Variants in WWOX observed in about 807,000 individuals in gnomAD.
The protein encoded by WWOX is WW domain containing oxidoreductase.
WWOX carries 69 observed loss-of-function variants against 46.2 expected under a neutral mutation model. The ratio of observed to expected loss-of-function variants is 1.49; its 90% CI spans 1.23 to 1.82. The LOEUF (loss-of-function observed/expected upper bound fraction) is 1.82. Ranked by LOEUF, WWOX falls within the 40% of genes most tolerant of loss-of-function variation. WWOX has a pLI of 0.00. For missense variants in WWOX, 919 were observed against 542.6 expected, an observed-to-expected ratio of 1.69 and a Z score of -6.89; for synonymous variants, 359 against 202.6, an observed-to-expected ratio of 1.77 and a Z score of -6.56.
At chr16:78,366,935 A>AGCT (rs2081547405) in intron 5 of WWOX, among the ~76,000 whole-genome samples, 1 of 141,732 alleles carries the variant, frequency 7.1e-6, no homozygotes, top group Non-Finnish European at 1.5e-5. Context: ...AGTTGAAATT[A>AGCT]GCTGGGGTTT....
chr16:78,952,100 C>G (rs74032449), intron 8 of WWOX, among the ~76,000 whole-genome samples: 2 of 152,188 alleles, frequency 1.3e-5, no homozygotes, highest in African/African-American at 4.8e-5. Flanking sequence ...ACCTAGCCCC[C>G]GTGTACCTTC....
At chr16:78,361,371 A>G (rs2081406959) in intron 5 of WWOX, among the ~76,000 whole-genome samples, 1 of 152,098 alleles carries the variant, frequency 6.6e-6, no homozygotes, top group African/African-American at 2.4e-5. Flanking sequence ...TTCCAATGTA[A>G]TGTTATTAAT....
At chr16:78,350,793 AC>A (rs2081170092) in intron 5 of WWOX, among the ~76,000 whole-genome samples, 1 of 118,300 alleles carries the variant, frequency 8.5e-6, no homozygotes, top group East Asian at 1.9e-4. Flanking sequence ...ATATAGGTTT[AC>A]CTTTTTTGGG....
chr16:78,119,991 G>A (rs576834573), intron 4 of WWOX, among the ~76,000 whole-genome samples: 3 of 152,072 alleles, frequency 2.0e-5, no homozygotes, highest in Admixed American at 6.6e-5. Context: ...GCCTAGCTTC[G>A]TTACAGTTTT....
chr16:78,143,759 T>TTTG (rs2151710200), intron 4 of WWOX, among the ~76,000 whole-genome samples: 2 of 150,794 alleles, frequency 1.3e-5, no homozygotes, highest in Non-Finnish European at 3.0e-5. Flanking sequence ...TATGTTTTTT[T>TTTG]TTTTTTTTTT....
intron 5 of WWOX, among the ~76,000 whole-genome samples, chr16:78,314,696 TTTTTG>T (rs2080321845): frequency 4.5e-5 from 3 of 67,056 alleles, no homozygotes; most frequent in African/African-American, 2.4e-4. Context: ...GGGTTTTTTT[TTTTTG>T]TTTTTTTTTT....
intron 5 of WWOX, among the ~76,000 whole-genome samples, chr16:78,268,772 C>T (rs998210438): frequency 6.6e-6 from 1 of 151,852 alleles, no homozygotes; most frequent in Non-Finnish European, 1.5e-5. Context: ...GTCACATAAG[C>T]CTTCATGTTG....
At chr16:78,757,259 G>C (rs1471715021) in intron 8 of WWOX, among the ~76,000 whole-genome samples, 1 of 152,172 alleles carries the variant, frequency 6.6e-6, no homozygotes, top group East Asian at 1.9e-4. Context: ...CCCATTCAAA[G>C]AGTCTAAACC....
At chr16:78,659,658 A>C (rs897138861) in intron 8 of WWOX, among the ~76,000 whole-genome samples, 2 of 152,174 alleles carry the variant, frequency 1.3e-5, no homozygotes, top group African/African-American at 4.8e-5. Context: ...AGTTCAGGAG[A>C]GTTGTGTTTA....
chr16:78,332,355 T>C (rs925358452), intron 5 of WWOX, among the ~76,000 whole-genome samples: 2 of 152,180 alleles, frequency 1.3e-5, no homozygotes, highest in African/African-American at 2.4e-5. Flanking sequence ...GGATTATGAG[T>C]GCCTTCTAGC....
intron 8 of WWOX, among the ~76,000 whole-genome samples, chr16:78,881,721 T>C (rs975228719): frequency 6.6e-6 from 1 of 152,220 alleles, no homozygotes; most frequent in African/African-American, 2.4e-5. Flanking sequence ...TAAGAAGTAA[T>C]AGAATGATCA....
chr16:78,692,598 C>T (rs1275054269), intron 8 of WWOX, among the ~76,000 whole-genome samples: 1 of 152,162 alleles, frequency 6.6e-6, no homozygotes, highest in Non-Finnish European at 1.5e-5. Flanking sequence ...GGGCCATATG[C>T]CTGAATCTCT....
intron 8 of WWOX, among the ~76,000 whole-genome samples, chr16:79,049,745 G>C (rs1273353193): frequency 6.6e-6 from 1 of 150,702 alleles, no homozygotes; most frequent in Non-Finnish European, 1.5e-5. Context: ...CTGAGGCAGA[G>C]AATTGCTTGA....
intron 3 of WWOX, among the ~76,000 whole-genome samples, chr16:78,110,763 T>C (rs1002575945): frequency 2.0e-5 from 3 of 152,196 alleles, no homozygotes; most frequent in African/African-American, 7.2e-5. Context: ...AGTATTGTTA[T>C]TATCCCTAGC....
intron 8 of WWOX, among the ~76,000 whole-genome samples, chr16:78,607,552 G>A (rs1425835692): frequency 6.6e-6 from 1 of 152,152 alleles, no homozygotes; most frequent in Non-Finnish European, 1.5e-5. Flanking sequence ...GGGTCTTAGA[G>A]TGTGAACTGT....
chr16:79,028,726 T>C (rs2047695043), intron 8 of WWOX, among the ~76,000 whole-genome samples: 1 of 151,818 alleles, frequency 6.6e-6, no homozygotes. Context: ...TCTCTAAACT[T>C]CTTTCCACAA....
At chr16:78,593,737 AGAG>A (rs1239726706) in intron 8 of WWOX, among the ~76,000 whole-genome samples, 4 of 47,216 alleles carry the variant, frequency 8.5e-5, no homozygotes, top group Non-Finnish European at 1.4e-4. Flanking sequence ...AAAAAAAAAA[AGAG>A]AGAGAGAGAG....
At chr16:79,023,497 G>A (rs1248860954) in intron 8 of WWOX, among the ~76,000 whole-genome samples, 3 of 152,158 alleles carry the variant, frequency 2.0e-5, no homozygotes, top group East Asian at 3.8e-4. Flanking sequence ...CTGATTACTG[G>A]CCAGGAGACT....
chr16:78,925,968 G>A (rs766314379), intron 8 of WWOX, among the ~76,000 whole-genome samples: 5 of 152,204 alleles, frequency 3.3e-5, no homozygotes, highest in African/African-American at 4.8e-5. Flanking sequence ...TGTGAACCAA[G>A]AGGGCAGGGA....
Sources: gnomAD v4.1 joint callset for allele counts (sites outside exome capture counted in the v4.1 genomes callset) on GRCh38, gnomAD v4.1.1 for gene constraint, MANE v1.5 for transcripts, NCBI Gene and HGNC (gene_info 2026-07-23, HGNC 2026-07-21) for gene names.